Variants in EEA1 observed in about 807,000 individuals in gnomAD.
The protein encoded by EEA1 is early endosome antigen 1.
Under a neutral mutation model 209.2 loss-of-function variants are expected in EEA1, and 111 were observed. The ratio of observed to expected loss-of-function variants is 0.53; its 90% CI spans 0.45 to 0.62. The LOEUF (loss-of-function observed/expected upper bound fraction) is 0.62. EEA1 is among the 20% of genes least tolerant of loss of function. EEA1 has a pLI of 0.00. For missense variants in EEA1, 1,343 were observed against 1,530.8 expected (o/e 0.88, Z 2.05); for synonymous variants, 536 against 540.6 (o/e 0.99, Z 0.12).
intron 16 of EEA1, 110 bp downstream of exon 16, chr12:92,812,870 G>A (rs986760304): frequency 1.6e-6 from 1 of 643,054 alleles, no homozygotes; most frequent in Non-Finnish European, 2.4e-6. Flanking sequence ...AGGGGGATAA[G>A]CAAGTCTATC....
intron 10 of EEA1, among the ~76,000 whole-genome samples, chr12:92,836,294 T>C (rs946307220): frequency 2.6e-5 from 4 of 152,218 alleles, no homozygotes; most frequent in Non-Finnish European, 5.9e-5. Context: ...GTTAATCCTA[T>C]GTTATAACCT....
chr12:92,874,524 C>T (rs1878793156), intron 2 of EEA1, among the ~76,000 whole-genome samples: 1 of 152,160 alleles, frequency 6.6e-6, no homozygotes, highest in African/African-American at 2.4e-5. Flanking sequence ...TGCCGCCAGG[C>T]CTGGCTAATT....
chr12:92,876,943 GT>G (rs112295596), intron 2 of EEA1, among the ~76,000 whole-genome samples: 62 of 142,450 alleles, frequency 4.4e-4, no homozygotes, highest in East Asian at 4.1e-4. Flanking sequence ...CCTGGGTGTT[GT>G]TTTTTTTTTT....
rs959060091 is a variant in EEA1, at chr12:92,777,835, C to T, written c.3893+106G>A. ...ATGGCTACTTAAATACCTATAGAGG[C>T]TTATGCACTTTTCTCAAGATTCTTC... On this transcript the variant is annotated intron_variant, in intron 26 of 28. Coordinates refer to ENST00000322349, the MANE Select transcript of EEA1 (RefSeq NM_003566.4). 4.7e-6 allele frequency: 6 copies of T among 1,283,488 alleles called. No individual in the cohort carries two copies. The Admixed American group carries it at 1.1e-4, about 24-fold the overall frequency. The allele number at this position is 1,283,488 out of a possible 1,614,324, so 79.5% of individuals were successfully genotyped here. A position where few individuals can be genotyped will look rare whatever the true frequency, so the allele number is the denominator to read the frequency against.
intron 16 of EEA1, 49 bp downstream of exon 16, chr12:92,812,931 A>C (rs141309762): frequency 5.4e-6 from 7 of 1,291,568 alleles, no homozygotes; most frequent in Non-Finnish European, 7.5e-6. Flanking sequence ...CAATTTATTT[A>C]TCTACCAAAG....
At chr12:92,847,357 G>A (rs1877430235) in intron 9 of EEA1, among the ~76,000 whole-genome samples, 1 of 152,096 alleles carries the variant, frequency 6.6e-6, no homozygotes, top group Non-Finnish European at 1.5e-5. Flanking sequence ...AATAAAAATT[G>A]TTGTATTAAG....
chr12:92,880,090 G>A (rs1222272631), intron 2 of EEA1, among the ~76,000 whole-genome samples: 1 of 152,220 alleles, frequency 6.6e-6, no homozygotes, highest in Non-Finnish European at 1.5e-5. Flanking sequence ...ATGGCATGTA[G>A]TGTCCTACTC....
At chr12:92,914,763 G>A (rs534776958) in intron 1 of EEA1, among the ~76,000 whole-genome samples, 77 of 151,518 alleles carry the variant, frequency 5.1e-4, no homozygotes, top group African/African-American at 1.8e-3. Flanking sequence ...TCCAGAGTTC[G>A]AGCAACTCTC....
At chr12:92,829,878 T>C (rs1335441624) in intron 11 of EEA1, among the ~76,000 whole-genome samples, 2 of 151,490 alleles carry the variant, frequency 1.3e-5, no homozygotes, top group South Asian at 2.1e-4. Flanking sequence ...TCAGAGTCTA[T>C]TAAAGAAAGA....
At chr12:92,776,999 G>C in intron 27 of EEA1, 57 bp from the exon 28 acceptor site, 1 of 1,544,734 alleles carries the variant, frequency 6.5e-7, no homozygotes. Flanking sequence ...AAGAATGCTA[G>C]ATTATTTCTA....
intron 1 of EEA1, among the ~76,000 whole-genome samples, chr12:92,928,682 G>A (rs1484554389): frequency 6.6e-6 from 1 of 152,156 alleles, no homozygotes; most frequent in Non-Finnish European, 1.5e-5. Context: ...CCCGGCAGGC[G>A]GCGGCTGGCC....
chr12:92,855,073 G>A (rs1311596769), intron 5 of EEA1, among the ~76,000 whole-genome samples: 2 of 152,106 alleles, frequency 1.3e-5, no homozygotes, highest in East Asian at 1.9e-4. Flanking sequence ...TATAATAGTT[G>A]AACATTTGCA....
At chr12:92,859,152 C>T in intron 3 of EEA1, 2 of 1,521,372 alleles carry the variant, frequency 1.3e-6, no homozygotes, top group Non-Finnish European at 1.8e-6. Context: ...ATTTTGATCT[C>T]CACCCTAGGG....
At chr12:92,895,396 A>G (rs1477452515) in intron 1 of EEA1, 1 of 153,848 alleles carries the variant, frequency 6.5e-6, no homozygotes, top group African/African-American at 2.4e-5. Flanking sequence ...CGATCTCCTG[A>G]CCTCATGATC....
At chr12:92,776,368 C>A (rs1314746623) in intron 28 of EEA1, among the ~76,000 whole-genome samples, 1 of 151,808 alleles carries the variant, frequency 6.6e-6, no homozygotes. Flanking sequence ...TTATGGAACT[C>A]TCAAAAGAAC....
chr12:92,889,683 G>A (rs1394020105), intron 2 of EEA1, among the ~76,000 whole-genome samples: 1 of 152,156 alleles, frequency 6.6e-6, no homozygotes, highest in Admixed American at 6.5e-5. Flanking sequence ...CAGATCACCC[G>A]AGGTCAGGTG....
chr12:92,866,844 T>G (rs1167729862), intron 2 of EEA1, among the ~76,000 whole-genome samples: 1 of 152,188 alleles, frequency 6.6e-6, no homozygotes, highest in Non-Finnish European at 1.5e-5. Context: ...ACTAGAAACC[T>G]AAAAATTTGG....
chr12:92,841,625 A>G (rs572721177), intron 10 of EEA1, among the ~76,000 whole-genome samples: 9 of 152,322 alleles, frequency 5.9e-5, no homozygotes, highest in African/African-American at 1.7e-4. Context: ...ACATTAAAAA[A>G]TGTTCAACAA....
At chr12:92,806,825 C>T (rs1875230569) in intron 18 of EEA1, among the ~76,000 whole-genome samples, 1 of 152,000 alleles carries the variant, frequency 6.6e-6, no homozygotes, top group African/African-American at 2.4e-5. Flanking sequence ...GTAAATCAAT[C>T]AATGTAACTG....
Sources: allele counts gnomAD v4.1 joint callset (sites outside exome capture counted in the v4.1 genomes callset), GRCh38; gene constraint gnomAD v4.1.1; transcripts MANE v1.5; gene names NCBI Gene and HGNC (gene_info 2026-07-23, HGNC 2026-07-21).